Variants in NHS observed in about 807,000 individuals in gnomAD.
NHS encodes NHS actin remodeling regulator.
NHS carries 5 observed loss-of-function variants against 72.5 expected under a neutral mutation model. The observed-to-expected ratio is 0.07, with a 90% confidence interval of 0.04 to 0.14. The LOEUF (loss-of-function observed/expected upper bound fraction) is 0.14, where lower values mean the gene tolerates loss of function less well. Among genes scored for constraint, NHS ranks in the 10% least tolerant of loss-of-function variants. NHS has a pLI of 1.00. For missense variants in NHS, 1,072 were observed against 1,355.7 expected, an observed-to-expected ratio of 0.79 and a Z score of 3.29; for synonymous variants, 464 against 547.7, an observed-to-expected ratio of 0.85 and a Z score of 2.13.
At chrX:17,553,006 G>C (rs1186875392) in intron 1 of NHS, among the ~76,000 whole-genome samples, 2 of 112,785 alleles carry the variant, frequency 1.8e-5, no homozygotes, top group Non-Finnish European at 1.9e-5. Flanking sequence ...ACTCATCCTG[G>C]TTTGCCCAGG....
intron 5 of NHS, among the ~76,000 whole-genome samples, chrX:17,721,917 G>A (rs957431398): frequency 7.2e-5 from 8 of 111,477 alleles, no homozygotes; most frequent in African/African-American, 1.3e-4. Context: ...TGGAGAAAGC[G>A]GCAGTGATTA....
chrX:17,544,724 G>A (rs749566164), intron 1 of NHS, among the ~76,000 whole-genome samples: 1 of 111,746 alleles, frequency 8.9e-6, no homozygotes, highest in East Asian at 2.8e-4. Flanking sequence ...TGTTGGCCCG[G>A]CTGGTCTTGA....
At chrX:17,428,799 C>T (rs2064670178) in intron 1 of NHS, among the ~76,000 whole-genome samples, 1 of 111,319 alleles carries the variant, frequency 9.0e-6, no homozygotes, top group Admixed American at 9.5e-5. Context: ...TGGTTTCCAG[C>T]CTTTTTATCT....
At chrX:17,600,096 G>A (rs377754229) in intron 1 of NHS, among the ~76,000 whole-genome samples, 1 of 111,822 alleles carries the variant, frequency 8.9e-6, no homozygotes, top group African/African-American at 3.3e-5. Flanking sequence ...CTAGTACTAA[G>A]ACACTAATTT....
chrX:17,502,149 CT>C (rs1305985780), intron 1 of NHS, among the ~76,000 whole-genome samples: 16 of 111,922 alleles, frequency 1.4e-4, no homozygotes, highest in South Asian at 3.8e-4. Flanking sequence ...CCATTTTTTT[CT>C]TCCTGCATTG....
At chrX:17,516,556 A>AACACACACAC (rs1289837765) in intron 1 of NHS, among the ~76,000 whole-genome samples, 1 of 94,304 alleles carries the variant, frequency 1.1e-5, no homozygotes, top group Non-Finnish European at 2.1e-5. Context: ...TTTAACTTAC[A>AACACACACAC]ACACACACAC....
intron 5 of NHS, among the ~76,000 whole-genome samples, chrX:17,723,770 T>TGTGTGTGCGCGTGCGC (rs541219770): frequency 1.1e-5 from 1 of 91,337 alleles, no homozygotes. Flanking sequence ...TGTGTGTGTG[T>TGTGTGTGCGCGTGCGC]GCGCGCGCGT....
chrX:17,452,187 AG>A (rs2064808224), intron 1 of NHS, among the ~76,000 whole-genome samples: 1 of 111,811 alleles, frequency 8.9e-6, no homozygotes, highest in Admixed American at 9.5e-5. Flanking sequence ...AGTAGGTGAA[AG>A]GGTTTCGGGG....
At chrX:17,612,326 C>T (rs1311821106) in intron 1 of NHS, among the ~76,000 whole-genome samples, 2 of 110,215 alleles carry the variant, frequency 1.8e-5, no homozygotes, top group African/African-American at 6.6e-5. Context: ...CTTCTATTTC[C>T]TGCCTCTTTC....
chrX:17,718,689 GGAA>G (rs1320572730), intron 3 of NHS, among the ~76,000 whole-genome samples: 6 of 92,461 alleles, frequency 6.5e-5, no homozygotes, highest in Non-Finnish European at 1.1e-4. Flanking sequence ...AAAGCAAAAA[GGAA>G]GAAGGAAGGG....
intron 1 of NHS, among the ~76,000 whole-genome samples, chrX:17,551,361 T>C (rs1315228337): frequency 1.8e-5 from 2 of 111,886 alleles, no homozygotes; most frequent in Non-Finnish European, 3.8e-5. Flanking sequence ...ACTCAAGTCC[T>C]GGTGCTTCAA....
intron 1 of NHS, among the ~76,000 whole-genome samples, chrX:17,539,810 G>A (rs1357556589): frequency 1.8e-5 from 2 of 111,618 alleles, no homozygotes; most frequent in Non-Finnish European, 3.8e-5. Context: ...TCTTTAATGG[G>A]GCAGGGTCAC....
chrX:17,670,856 A>G (rs187360535), intron 1 of NHS, among the ~76,000 whole-genome samples: 11 of 112,005 alleles, frequency 9.8e-5, no homozygotes, highest in African/African-American at 3.6e-4. Flanking sequence ...ATAACACACA[A>G]AAAAGTACTT....
chrX:17,602,951 C>T (rs899922690), intron 1 of NHS, among the ~76,000 whole-genome samples: 2 of 108,070 alleles, frequency 1.9e-5, no homozygotes, highest in Non-Finnish European at 3.8e-5. Flanking sequence ...GGTGATCCTC[C>T]TGCCTCAGCC....
chrX:17,699,992 G>A (rs2066252563), intron 3 of NHS, among the ~76,000 whole-genome samples: 1 of 111,865 alleles, frequency 8.9e-6, no homozygotes, highest in Non-Finnish European at 1.9e-5. Context: ...CAGAAAAAGG[G>A]CTAATACCTC....
intron 1 of NHS, among the ~76,000 whole-genome samples, chrX:17,526,869 A>G (rs1470771057): frequency 8.9e-6 from 1 of 112,721 alleles, no homozygotes; most frequent in Non-Finnish European, 1.9e-5. Context: ...TATTATTATC[A>G]TGAATGCATA....
At chrX:17,610,765 T>C (rs913980378) in intron 1 of NHS, among the ~76,000 whole-genome samples, 1 of 112,417 alleles carries the variant, frequency 8.9e-6, no homozygotes, top group African/African-American at 3.2e-5. Flanking sequence ...TTTGTCCCCG[T>C]TTATTAAGGC....
At chrX:17,537,416 A>G (rs896613058) in intron 1 of NHS, among the ~76,000 whole-genome samples, 3 of 112,745 alleles carry the variant, frequency 2.7e-5, no homozygotes, top group Non-Finnish European at 5.6e-5. Flanking sequence ...TTGGAAGTAA[A>G]TTATGTAGCT....
intron 1 of NHS, among the ~76,000 whole-genome samples, chrX:17,489,915 A>G (rs1185150941): frequency 8.9e-6 from 1 of 112,501 alleles, no homozygotes; most frequent in African/African-American, 3.2e-5. Flanking sequence ...TGTTGGCCGT[A>G]TAAATGTCTT....
Sources: gnomAD v4.1 joint callset for allele counts (sites outside exome capture counted in the v4.1 genomes callset) on GRCh38, gnomAD v4.1.1 for gene constraint, MANE v1.5 for transcripts, NCBI Gene and HGNC (gene_info 2026-07-23, HGNC 2026-07-21) for gene names.